KDM4B: variants seen among roughly 807,000 people sequenced by gnomAD.
The protein encoded by KDM4B is lysine-specific demethylase 4B.
KDM4B carries 32 observed loss-of-function variants against 125.2 expected under a neutral mutation model. That is an observed-to-expected ratio of 0.26 (90% CI 0.19 to 0.34). The LOEUF is 0.34. Among genes scored for constraint, KDM4B ranks in the 10% least tolerant of loss-of-function variants. The pLI, the probability that KDM4B is intolerant of heterozygous loss-of-function variation, is 1.00. For missense variants in KDM4B, 1,190 were observed against 1,577.7 expected (o/e 0.75, Z 4.16); for synonymous variants, 721 against 677.9 (o/e 1.06, Z -0.99).
At chr19:5,059,290 G>A (rs1291663502) in intron 6 of KDM4B, among the ~76,000 whole-genome samples, 3 of 152,216 alleles carry the variant, frequency 2.0e-5, no homozygotes, top group Non-Finnish European at 2.9e-5. Flanking sequence ...CTCCACACTC[G>A]CCAGCAGCAG....
At chr19:5,135,288 C>A in intron 14 of KDM4B, 51 bp from the exon 15 acceptor site, 2 of 1,356,588 alleles carry the variant, frequency 1.5e-6, no homozygotes, top group Non-Finnish European at 2.1e-6. Flanking sequence ...GCCGCCCGCC[C>A]GCCTGCCCCA....
intron 9 of KDM4B, among the ~76,000 whole-genome samples, chr19:5,093,212 G>T (rs756248521): frequency 6.6e-6 from 1 of 152,338 alleles, no homozygotes; most frequent in African/African-American, 2.4e-5. Context: ...GCAGCTGCCT[G>T]CTTGTCATGT....
intron 6 of KDM4B, among the ~76,000 whole-genome samples, chr19:5,049,714 C>T (rs868414096): frequency 3.9e-5 from 6 of 152,120 alleles, no homozygotes; most frequent in African/African-American, 1.2e-4. Flanking sequence ...GACCAGGTGA[C>T]CCCAGCATTA....
chr19:5,122,270 T>C (rs1168067313), intron 11 of KDM4B, among the ~76,000 whole-genome samples: 1 of 152,162 alleles, frequency 6.6e-6, no homozygotes, highest in Non-Finnish European at 1.5e-5. Context: ...TCTTCCGGTC[T>C]CTCTCTGACT....
intron 1 of KDM4B, among the ~76,000 whole-genome samples, chr19:4,973,836 A>C (rs72988150): frequency 0.31 from 46,033 of 150,574 alleles, 7,785 homozygotes; most frequent in East Asian, 0.72. Context: ...AAAAAAAAAA[A>C]AAAAAAAAAC....
At chr19:4,984,889 T>G (rs2034775781) in intron 1 of KDM4B, among the ~76,000 whole-genome samples, 1 of 152,172 alleles carries the variant, frequency 6.6e-6, no homozygotes, top group African/African-American at 2.4e-5. Flanking sequence ...ACCCGAGGTC[T>G]CCCTGTACTA....
intron 1 of KDM4B, among the ~76,000 whole-genome samples, chr19:5,007,875 T>C (rs2035611298): frequency 6.6e-6 from 1 of 152,168 alleles, no homozygotes; most frequent in South Asian, 2.1e-4. Flanking sequence ...TTTCTTGAGG[T>C]CTTTGCAAAC....
At chr19:5,124,326 C>T (rs925528098) in intron 11 of KDM4B, among the ~76,000 whole-genome samples, 26 of 152,290 alleles carry the variant, frequency 1.7e-4, no homozygotes, top group Non-Finnish European at 3.4e-4. Flanking sequence ...AGGCTGCTGC[C>T]GCCGCCGCTG....
intron 21 of KDM4B, among the ~76,000 whole-genome samples, chr19:5,146,956 A>AAAC (rs1022198101): frequency 2.7e-5 from 4 of 150,558 alleles, no homozygotes; most frequent in African/African-American, 9.8e-5. Context: ...AAAAAAAAAA[A>AAAC]AAAAAACAAA....
intron 1 of KDM4B, among the ~76,000 whole-genome samples, chr19:4,994,795 TAA>T (rs1222274496): frequency 4.6e-5 from 7 of 152,292 alleles, no homozygotes; most frequent in African/African-American, 1.7e-4. Flanking sequence ...TCTTTTGCAT[TAA>T]GTGAATATTT....
intron 1 of KDM4B, among the ~76,000 whole-genome samples, chr19:4,989,577 G>A (rs959496931): frequency 6.6e-6 from 1 of 152,046 alleles, no homozygotes; most frequent in African/African-American, 2.4e-5. Context: ...CTGACCTCAG[G>A]TGATCCGCCT....
rs949083736 is a variant in KDM4B at position 5,111,239 on chromosome 19, C to T, written c.1115+421C>T. ...GCTGTCCGGCTACTCGGGCCCCTCCCTGGCGCTGAGAGCAGTCGGGTTCCC... is the reference window on the plus strand; with the variant it reads ...GCTGTCCGGCTACTCGGGCCCCTCCTTGGCGCTGAGAGCAGTCGGGTTCCC... On this transcript the variant is annotated intron_variant, in intron 10 of 22. Coordinates refer to ENST00000159111, the MANE Select transcript of KDM4B (RefSeq NM_015015.3). The T allele has an allele frequency of 4.8e-6, 3 of 624,788 alleles. No homozygotes were observed. The African/African-American group carries it at 5.5e-5, about 11-fold the overall frequency. The allele number at this position is 624,788 out of a possible 1,614,324, so 38.7% of individuals were successfully genotyped here.
intron 1 of KDM4B, among the ~76,000 whole-genome samples, chr19:4,975,835 C>T (rs913659080): frequency 1.2e-4 from 18 of 151,416 alleles, no homozygotes; most frequent in African/African-American, 3.4e-4. Context: ...TCAGGGCATC[C>T]GCCTGTCTTG....
chr19:5,120,791 T>C (rs1424012728), intron 11 of KDM4B, among the ~76,000 whole-genome samples: 1 of 152,026 alleles, frequency 6.6e-6, no homozygotes, highest in African/African-American at 2.4e-5. Context: ...CCTTTCCAGG[T>C]GCCATGCAGG....
At chr19:5,005,148 CTG>C (rs1390662493) in intron 1 of KDM4B, among the ~76,000 whole-genome samples, 3 of 152,220 alleles carry the variant, frequency 2.0e-5, no homozygotes, top group African/African-American at 7.2e-5. Context: ...CACTCTGTGG[CTG>C]TGTGTGGAGT....
intron 1 of KDM4B, among the ~76,000 whole-genome samples, chr19:5,010,366 C>T (rs865892162): frequency 2.6e-5 from 4 of 152,188 alleles, no homozygotes; most frequent in African/African-American, 7.2e-5. Context: ...TGCGGCTCAG[C>T]GTGGTGGTGT....
In KDM4B at chr19:5,110,731, A is replaced by G; in HGVS notation, c.1028A>G (p.Asp343Gly). The G allele has an allele frequency of 6.2e-7, 1 of 1,612,552 alleles. No homozygotes were observed. Among genetic ancestry groups the G allele is most frequent in the South Asian group, 1.1e-5 (1 of 91,032 alleles). ...CAGGGCAAGGACCTCACGGTGCTGGACCACACGCGGCCCACGGCGCTCACC... is the reference window on the plus strand; with the variant it reads ...CAGGGCAAGGACCTCACGGTGCTGGGCCACACGCGGCCCACGGCGCTCACC... ...WKQGKDLTVL[D>G]HTRPTALTSP... Residue 343 changes from aspartate to glycine, a missense_variant, in exon 10 of 23, where the codon GAC (aspartate) becomes GGC (glycine). Asp to Gly is a moderately conservative substitution (Grantham distance 94). Around this residue, in one of 7 missense-constraint regions of KDM4B, gnomAD observed 428 missense variants for 405.1 expected, o/e 1.06. Coordinates refer to ENST00000159111, the MANE Select transcript of KDM4B (RefSeq NM_015015.3).
At chr19:5,131,812 C>T in intron 12 of KDM4B, 75 bp from the exon 13 acceptor site, 1 of 1,597,342 alleles carries the variant, frequency 6.3e-7, no homozygotes, top group Non-Finnish European at 8.5e-7. Flanking sequence ...CACGCCGAGC[C>T]CCTGTGTGGC....
chr19:5,038,702 A>G (rs2036709961), intron 3 of KDM4B, among the ~76,000 whole-genome samples: 1 of 152,148 alleles, frequency 6.6e-6, no homozygotes, highest in Non-Finnish European at 1.5e-5. Flanking sequence ...TGTGTTGTGG[A>G]TCGCTGTGTG....
Sources: allele counts gnomAD v4.1 joint callset (sites outside exome capture counted in the v4.1 genomes callset), GRCh38; gene constraint gnomAD v4.1.1; regional missense constraint gnomAD v4.1.1; transcripts MANE v1.5; gene names NCBI Gene and HGNC (gene_info 2026-07-23, HGNC 2026-07-21).